The following TMEM131L variants were observed in gnomAD, a reference collection of about 807,000 sequenced individuals.
TMEM131L encodes transmembrane 131 like.
TMEM131L carries 54 observed loss-of-function variants against 192.2 expected under a neutral mutation model. The observed-to-expected ratio is 0.28, with a 90% confidence interval of 0.23 to 0.35. The LOEUF (loss-of-function observed/expected upper bound fraction) is 0.35, where lower values mean the gene tolerates loss of function less well. Ranked by LOEUF, TMEM131L falls within the 10% of genes least tolerant of loss-of-function variation. The pLI, the probability that TMEM131L is intolerant of heterozygous loss-of-function variation, is 1.00. For synonymous variants in TMEM131L, 701 were observed against 704.9 expected (o/e 0.99, Z 0.09); for missense variants, 1,888 against 1,972.9 (o/e 0.96, Z 0.82).
intron 3 of TMEM131L, among the ~76,000 whole-genome samples, chr4:153,495,792 T>G (rs1733133380): frequency 6.6e-6 from 1 of 152,192 alleles, no homozygotes; most frequent in Admixed American, 6.5e-5. Flanking sequence ...GTATGTAACT[T>G]TTAAAATCTT....
At chr4:153,563,759 G>T (rs914780290) in intron 7 of TMEM131L, among the ~76,000 whole-genome samples, 1 of 151,916 alleles carries the variant, frequency 6.6e-6, no homozygotes, top group Non-Finnish European at 1.5e-5. Context: ...AAACCACCAC[G>T]CCTGGCCTGG....
At chr4:153,501,619 C>G (rs1189074067) in intron 3 of TMEM131L, among the ~76,000 whole-genome samples, 1 of 152,182 alleles carries the variant, frequency 6.6e-6, no homozygotes, top group Non-Finnish European at 1.5e-5. Flanking sequence ...CATCACTTTT[C>G]TTACCATCAT....
At chr4:153,558,893 G>T (rs772237021) in intron 7 of TMEM131L, 1 of 152,186 alleles carries the variant, frequency 6.6e-6, no homozygotes, top group Non-Finnish European at 1.5e-5. Flanking sequence ...ATAATGATAA[G>T]TTTAAATTCT....
chr4:153,491,833 A>G (rs1732806643), intron 3 of TMEM131L, among the ~76,000 whole-genome samples: 2 of 152,052 alleles, frequency 1.3e-5, no homozygotes, highest in Admixed American at 6.6e-5. Flanking sequence ...CACCCTCCTG[A>G]GTAGCTGGGA....
chr4:153,601,569 C>T (rs1348233662), intron 21 of TMEM131L, among the ~76,000 whole-genome samples: 1 of 152,138 alleles, frequency 6.6e-6, no homozygotes. Flanking sequence ...AATATTAGTC[C>T]TTATGTGGGA....
chr4:153,491,334 T>A (rs1732766887), intron 3 of TMEM131L, among the ~76,000 whole-genome samples: 1 of 152,052 alleles, frequency 6.6e-6, no homozygotes, highest in African/African-American at 2.4e-5. Context: ...AGAAAAACCG[T>A]GTTTTGAGAT....
intron 26 of TMEM131L, among the ~76,000 whole-genome samples, chr4:153,619,263 A>G (rs1404985914): frequency 6.6e-6 from 1 of 152,166 alleles, no homozygotes; most frequent in Non-Finnish European, 1.5e-5. Flanking sequence ...CTGTGTCGAC[A>G]AGCCTTTGCT....
chr4:153,538,245 T>C (rs1310739697), intron 3 of TMEM131L, among the ~76,000 whole-genome samples: 2 of 152,206 alleles, frequency 1.3e-5, no homozygotes, highest in Non-Finnish European at 2.9e-5. Flanking sequence ...CCTCTTTTCT[T>C]TCTGGTGTGG....
At chr4:153,582,890 C>T (rs6843797) in intron 9 of TMEM131L, among the ~76,000 whole-genome samples, 6,711 of 152,122 alleles carry the variant, frequency 0.044, 389 homozygotes, top group African/African-American at 0.14. Flanking sequence ...TGGTTAGTTT[C>T]ATTCAGAAGA....
At position 153,584,916 on chromosome 4, in the gene TMEM131L, C is replaced by T. The variant is rs780794332; in HGVS notation, c.1142C>T (p.Ser381Phe). 1.4e-5 allele frequency: 23 copies of T among 1,613,262 alleles called. No individual in the cohort carries two copies. Among genetic ancestry groups the T allele is most frequent in the Non-Finnish European group, 1.9e-5 (22 of 1,179,324 alleles). The change falls in exon 12 of 35, where the codon TCT (serine) becomes TTT (phenylalanine). Residue 381 changes from serine to phenylalanine, a missense_variant. Transcript: ENST00000409959. ...HTPTLKACLF[S>F]SVAQGYFRMD... ...CCAACACTAAAAGCATGCCTCTTCT[C>T]TTCTGTGGCTCAGGGGTAGGTTACT... is the stretch of plus-strand genomic sequence containing the variant.
chr4:153,521,034 T>C (rs2150145519), intron 3 of TMEM131L, among the ~76,000 whole-genome samples: 1 of 152,282 alleles, frequency 6.6e-6, no homozygotes, highest in South Asian at 2.1e-4. Flanking sequence ...GTGTGTGATT[T>C]TGGGGAGGGG....
intron 3 of TMEM131L, among the ~76,000 whole-genome samples, chr4:153,504,297 T>G (rs1733828994): frequency 1.6e-5 from 1 of 63,394 alleles, no homozygotes; most frequent in African/African-American, 7.5e-5. Flanking sequence ...TTTTTTTTTT[T>G]GGAGACAGAG....
chr4:153,623,764 CTAA>C (rs1482448349), intron 29 of TMEM131L, among the ~76,000 whole-genome samples: 8 of 152,124 alleles, frequency 5.3e-5, no homozygotes, highest in African/African-American at 1.9e-4. Flanking sequence ...TTGGTTTGTT[CTAA>C]TAATGCTGCT....
chr4:153,575,033 G>A (rs1206199972), intron 7 of TMEM131L, among the ~76,000 whole-genome samples: 3 of 152,162 alleles, frequency 2.0e-5, no homozygotes, highest in African/African-American at 7.2e-5. Context: ...TAAATAAAAA[G>A]GTTTCATGTG....
intron 4 of TMEM131L, among the ~76,000 whole-genome samples, chr4:153,550,534 G>A (rs575309928): frequency 6.6e-6 from 1 of 152,084 alleles, no homozygotes; most frequent in Non-Finnish European, 1.5e-5. Context: ...CACCGTGTTC[G>A]CCAGGATGGT....
In TMEM131L at chr4:153,509,726, C is replaced by T. The variant is rs115425993; in HGVS notation, c.239+35838C>T. ...AGCGAGACTCTGTCTCCAAAAACTC[C>T]CAAACACCTCATTTTAATACTTTCA... On this transcript the variant is annotated intron_variant, in intron 3 of 34. Coordinates refer to ENST00000409959, the MANE Select transcript of TMEM131L (RefSeq NM_001131007.2). 5.3e-3 allele frequency among the ~76,000 whole-genome samples: 805 copies of T among 152,216 alleles called. 9 individuals carry two copies. The highest frequency in any genetic ancestry group is 0.019 in the African/African-American group (782 of 41,532).
chr4:153,527,781 C>T (rs1735604662), intron 3 of TMEM131L, among the ~76,000 whole-genome samples: 1 of 152,152 alleles, frequency 6.6e-6, no homozygotes, highest in Admixed American at 6.6e-5. Flanking sequence ...TACCTGGCAG[C>T]GTGTGGCTGA....
intron 2 of TMEM131L, among the ~76,000 whole-genome samples, chr4:153,471,592 CAG>C (rs1187416368): frequency 1.6e-4 from 25 of 152,198 alleles, no homozygotes; most frequent in African/African-American, 5.6e-4. Context: ...GCAAGAAGGG[CAG>C]TCTAGAATCT....
chr4:153,573,256 A>C (rs937217951), intron 7 of TMEM131L, among the ~76,000 whole-genome samples: 1 of 152,246 alleles, frequency 6.6e-6, no homozygotes, highest in African/African-American at 2.4e-5. Context: ...TTTATAGCCT[A>C]ATTCTCGCCA....
Sources: gnomAD v4.1 joint callset for allele counts (sites outside exome capture counted in the v4.1 genomes callset) on GRCh38, gnomAD v4.1.1 for gene constraint, MANE v1.5 for transcripts, NCBI Gene and HGNC (gene_info 2026-07-23, HGNC 2026-07-21) for gene names.